TAS2R1: variants seen among roughly 807,000 people sequenced by gnomAD.
TAS2R1 encodes taste 2 receptor member 1, also known as taste receptor type 2 member 1.
For synonymous variants in TAS2R1, 141 were observed against 134.2 expected, an observed-to-expected ratio of 1.05 and a Z score of -0.35; for missense variants, 370 against 353.4, an observed-to-expected ratio of 1.05 and a Z score of -0.38.
the TAS2R1 span, among the ~76,000 whole-genome samples, chr5:9,817,049 G>A: frequency 2.6e-4 from 40 of 152,046 alleles, no homozygotes; most frequent in African/African-American, 9.4e-4. Flanking sequence ...ATTTTCACCT[G>A]CAATGTGCTT....
At chr5:9,813,186 C>A in the TAS2R1 span, among the ~76,000 whole-genome samples, 1 of 152,034 alleles carries the variant, frequency 6.6e-6, no homozygotes, top group African/African-American at 2.4e-5. Context: ...ATGGAAGAGA[C>A]AAAGGGAGAA....
At chr5:9,719,784 G>A in the TAS2R1 span, among the ~76,000 whole-genome samples, 463 of 151,828 alleles carry the variant, frequency 3.0e-3, 1 homozygote, top group Admixed American at 5.2e-3. Context: ...CGGGCGTGGT[G>A]GCGGGCGCCT....
At chr5:9,746,890 A>G in the TAS2R1 span, among the ~76,000 whole-genome samples, 4 of 152,194 alleles carry the variant, frequency 2.6e-5, no homozygotes, top group African/African-American at 9.6e-5. Flanking sequence ...CTATGAAACA[A>G]ACCTGCAAGT....
the TAS2R1 span, among the ~76,000 whole-genome samples, chr5:9,881,967 A>G: frequency 6.6e-6 from 1 of 152,242 alleles, no homozygotes; most frequent in African/African-American, 2.4e-5. Context: ...TTGTGACAAA[A>G]ACATCAAAAG....
the TAS2R1 span, among the ~76,000 whole-genome samples, chr5:9,853,059 G>C: frequency 6.6e-6 from 1 of 152,192 alleles, no homozygotes; most frequent in Non-Finnish European, 1.5e-5. Context: ...GCAGGACAAA[G>C]TAGTTTTGAC....
rs749930009 is a variant in TAS2R1, at chr5:9,629,411, T to C, written c.622A>G (p.Met208Val). 6.2e-7 allele frequency: 1 copy of C among 1,614,122 alleles called. No homozygotes were observed. Among genetic ancestry groups the C allele is most frequent in the Non-Finnish European group, 8.5e-7 (1 of 1,180,032 alleles). Reference protein sequence around the residue: ...IFSLGRHTRQMRNTVAGSRVP... With the variant: ...IFSLGRHTRQVRNTVAGSRVP... ...CTGCTGCCGGCCACTGTGTTTCTCA[T>C]TTGCCGGGTGTGCCTCCCCAGAGAG... The change falls in exon 1 of 1, where the codon ATG becomes GTG. Residue 208 changes from methionine (M) to valine (V), a missense_variant. Physicochemically the swap from Met to Val is conservative, Grantham distance 21. Coordinates refer to ENST00000382492, the MANE Select transcript of TAS2R1 (RefSeq NM_019599.3).
intron 1 of TAS2R1, among the ~76,000 whole-genome samples, chr5:9,705,388 T>C (rs1741580630): frequency 6.6e-6 from 1 of 152,078 alleles, no homozygotes; most frequent in African/African-American, 2.4e-5. Context: ...ATAACTAAGC[T>C]ATTTAATGAA....
the TAS2R1 span, among the ~76,000 whole-genome samples, chr5:9,811,560 C>G: frequency 6.6e-6 from 1 of 152,130 alleles, no homozygotes. Flanking sequence ...CTGACTTTGC[C>G]GGACGCATTT....
At chr5:9,711,737 G>A (rs529046002) in intron 1 of TAS2R1, among the ~76,000 whole-genome samples, 5 of 152,162 alleles carry the variant, frequency 3.3e-5, no homozygotes, top group Non-Finnish European at 7.4e-5. Flanking sequence ...GTGCAATCTC[G>A]CTGCAAACTC....
chr5:9,876,827 G>C, the TAS2R1 span, among the ~76,000 whole-genome samples: 3 of 152,152 alleles, frequency 2.0e-5, no homozygotes, highest in Admixed American at 2.0e-4. Context: ...AGGCCAAAAA[G>C]GTTGTCTAGT....
At chr5:9,677,465 G>T (rs941541657) in intron 1 of TAS2R1, among the ~76,000 whole-genome samples, 1 of 150,456 alleles carries the variant, frequency 6.6e-6, no homozygotes, top group Non-Finnish European at 1.5e-5. Context: ...AAAAAAATTT[G>T]CAGGCCTCAT....
the TAS2R1 span, among the ~76,000 whole-genome samples, chr5:9,746,501 G>T: frequency 6.6e-6 from 1 of 152,132 alleles, no homozygotes; most frequent in East Asian, 1.9e-4. Context: ...TAATAGCAAA[G>T]ACTTGGAATC....
chr5:9,657,021 T>A (rs1386976806), intron 2 of TAS2R1, among the ~76,000 whole-genome samples: 1 of 152,080 alleles, frequency 6.6e-6, no homozygotes, highest in South Asian at 2.1e-4. Context: ...AAAAACATAT[T>A]CACAATATGT....
the TAS2R1 span, among the ~76,000 whole-genome samples, chr5:9,730,152 A>C: frequency 3.3e-5 from 5 of 152,218 alleles, no homozygotes; most frequent in African/African-American, 1.2e-4. Context: ...AATTTTACGA[A>C]AGATATAAAG....
chr5:9,668,225 T>C lies in TAS2R1; in HGVS notation c.-241-8644A>G, dbSNP rs183077209. 1.2e-3 allele frequency among the ~76,000 whole-genome samples: 180 copies of C among 151,948 alleles called. 2 individuals carry two copies. Among genetic ancestry groups the C allele is most frequent in the African/African-American group, 4.0e-3 (167 of 41,444 alleles). ...ACTCAGATAAAAATAAATAAAACAA[T>C]AAGGAAGAATGACAAAAACTTTGAG... On this transcript the variant is annotated intron_variant, in intron 1 of 2. Transcript: ENST00000506620.
chr5:9,769,867 C>T, the TAS2R1 span, among the ~76,000 whole-genome samples: 1 of 151,974 alleles, frequency 6.6e-6, no homozygotes, highest in Non-Finnish European at 1.5e-5. Flanking sequence ...TATGGATTAT[C>T]TCTTCAGTTT....
At chr5:9,794,505 C>A in the TAS2R1 span, among the ~76,000 whole-genome samples, 1 of 151,964 alleles carries the variant, frequency 6.6e-6, no homozygotes, top group Non-Finnish European at 1.5e-5. Flanking sequence ...TATTAATAAA[C>A]AAATATAAGT....
rs201494790 is a variant in TAS2R1, at chr5:9,655,857, C to CT, written c.-81+3563dup. On this transcript the variant is annotated intron_variant, in intron 2 of 2. Transcript: ENST00000506620. ...CTTTTTCCTGCCTCTGTGGTTTTCT[C>CT]TTTTTTTTTTTTTTTAATTTGTTTG... 3.7e-3 allele frequency among the ~76,000 whole-genome samples: 516 copies of CT among 139,582 alleles called. 1 individual carries two copies. The highest frequency in any genetic ancestry group is 8.5e-3 in the African/African-American group (326 of 38,380). 91.6% of individuals were successfully genotyped at this position (139,582 alleles called of 152,430 possible).
chr5:9,723,325 C>T, the TAS2R1 span, among the ~76,000 whole-genome samples: 20 of 152,188 alleles, frequency 1.3e-4, no homozygotes, highest in Admixed American at 5.9e-4. Context: ...AGTCTTTTCC[C>T]GAGGGGAGAG....
Sources: gnomAD v4.1 joint callset for allele counts (sites outside exome capture counted in the v4.1 genomes callset) on GRCh38, gnomAD v4.1.1 for gene constraint, MANE v1.5 for transcripts, NCBI Gene and HGNC (gene_info 2026-07-23, HGNC 2026-07-21) for gene names.